PARP15: variants seen among roughly 807,000 people sequenced by gnomAD.
PARP15 encodes protein mono-ADP-ribosyltransferase PARP15.
In PARP15, 50 loss-of-function variants were observed where a neutral mutation model predicts 62.1. The observed-to-expected ratio is 0.81, with a 90% CI of 0.64 to 1.02. The LOEUF (loss-of-function observed/expected upper bound fraction) is 1.02. Among genes scored for constraint, PARP15 ranks in the 50% least tolerant of loss-of-function variants. The pLI, the probability that PARP15 is intolerant of heterozygous loss-of-function variation, is 0.00. For synonymous variants in PARP15, 309 were observed against 293.1 expected (o/e 1.05, Z -0.55); for missense variants, 820 against 826.5 (o/e 0.99, Z 0.10).
At chr3:122,616,938 G>C in intron 5 of PARP15, 77 bp from the exon 6 acceptor site, 1 of 1,506,108 alleles carries the variant, frequency 6.6e-7, no homozygotes, top group Admixed American at 1.9e-5. Context: ...GCTGGGAAGA[G>C]AATAGGGCCC....
In PARP15 at chr3:122,577,762, G is replaced by T; in HGVS notation, c.95G>T (p.Arg32Ile). 6.4e-7 allele frequency: 1 copy of T among 1,551,710 alleles called. No homozygotes were observed. Among genetic ancestry groups the T allele is most frequent in the South Asian group, 1.2e-5 (1 of 84,060 alleles). The change falls in exon 1 of 12, where the codon AGA becomes ATA. Residue 32 changes from arginine (R) to isoleucine (I), a missense_variant. Arg to Ile is a moderately conservative substitution (Grantham distance 97). Around this residue, in one of 3 missense-constraint regions of PARP15, gnomAD observed 731 missense variants for 727.7 expected, o/e 1.00. Coordinates refer to ENST00000464300, the MANE Select transcript of PARP15 (RefSeq NM_001113523.3). ...LMHGVAGVTS[R>I]AGRDREAGSV... ...CACGGAGTTGCAGGTGTTACTTCCA[G>T]AGCCGGACGAGATCGGGAGGCGGGG...
At position 122,638,613 on chromosome 3, in the gene PARP15, C is replaced by T. The variant is rs868508843; in HGVS notation, c.*2513C>T. 14 of 152,064 alleles carry T rather than the reference C, an allele frequency of 9.2e-5. No individual in the cohort carries two copies. The highest frequency in any genetic ancestry group is 2.1e-4 in the South Asian group (1 of 4,802). The allele number at this position is 152,064 out of a possible 1,614,324, so 9.4% of individuals were successfully genotyped here. A position where few individuals can be genotyped will look rare whatever the true frequency, so the allele number is the denominator to read the frequency against. ...TAAATGTCTTCTTTTGAGAAGTGTC[C>T]GTTCATATCCTTTGCCCACTTTTTG... On this transcript the variant is annotated 3_prime_UTR_variant, in exon 12 of 12. Coordinates refer to ENST00000464300, the MANE Select transcript of PARP15 (RefSeq NM_001113523.3).
intron 1 of PARP15, among the ~76,000 whole-genome samples, chr3:122,580,365 C>T (rs2107794654): frequency 6.6e-6 from 1 of 152,070 alleles, no homozygotes; most frequent in South Asian, 2.1e-4. Context: ...AGGATTATTT[C>T]CTCTTGATGA....
At chr3:122,634,111 G>T (rs1341109144) in intron 10 of PARP15, among the ~76,000 whole-genome samples, 3 of 152,096 alleles carry the variant, frequency 2.0e-5, no homozygotes, top group African/African-American at 7.2e-5. Context: ...CTCAACAGCT[G>T]CCCAGGTACT....
Position 122,619,772 on chromosome 3 carries a change from C to T in PARP15, c.1001-9C>T. 3.7e-6 allele frequency: 6 copies of T among 1,605,746 alleles called. No individual in the cohort carries two copies. The highest frequency in any genetic ancestry group is 5.1e-6 in the Non-Finnish European group (6 of 1,172,586). On this transcript the variant is annotated splice_polypyrimidine_tract_variant and intron_variant, in intron 6 of 11. Transcript: ENST00000464300. ...CTGATGCCTTTTACCATTAACATGT[C>T]TTATTTAGGTGTGTCAAGAGCTATT...
chr3:122,588,276 AT>A (rs1232632605), intron 1 of PARP15, among the ~76,000 whole-genome samples: 3 of 151,892 alleles, frequency 2.0e-5, no homozygotes, highest in African/African-American at 7.2e-5. Context: ...GTTGAGGCTT[AT>A]TTTTGCCATT....
chr3:122,604,775 C>G (rs1935043524), intron 1 of PARP15, among the ~76,000 whole-genome samples: 1 of 152,106 alleles, frequency 6.6e-6, no homozygotes, highest in Non-Finnish European at 1.5e-5. Context: ...GCAGGAGAAT[C>G]ACTTGAACCC....
rs1388881811 is a variant in PARP15, at chr3:122,637,925, A to C, written c.*1825A>C. 1.3e-5 allele frequency: 2 copies of C among 152,114 alleles called. No individual in the cohort carries two copies. The highest frequency in any genetic ancestry group is 3.8e-4 in the East Asian group (2 of 5,198). 9.4% of individuals were successfully genotyped at this position (152,114 alleles called of 1,614,324 possible). ...TAACTCATCATTTAGCATTAGGTAT[A>C]TCTCCAAATGCTATCCCTCTCCCCT... is the stretch of plus-strand genomic sequence containing the variant. On this transcript the variant is annotated 3_prime_UTR_variant, in exon 12 of 12. Coordinates refer to ENST00000464300, the MANE Select transcript of PARP15 (RefSeq NM_001113523.3).
chr3:122,607,039 A>G (rs1935204256), intron 2 of PARP15, among the ~76,000 whole-genome samples: 1 of 152,222 alleles, frequency 6.6e-6, no homozygotes, highest in African/African-American at 2.4e-5. Flanking sequence ...ACGTGGGTTC[A>G]GGACCTTGTC....
chr3:122,590,001 T>C (rs1172773863), intron 1 of PARP15, among the ~76,000 whole-genome samples: 1 of 150,170 alleles, frequency 6.7e-6, no homozygotes, highest in Non-Finnish European at 1.5e-5. Flanking sequence ...TTCTTCTGCC[T>C]CACCCTCTCA....
At chr3:122,578,054 T>G (rs1165203749) in intron 1 of PARP15, among the ~76,000 whole-genome samples, 3 of 151,148 alleles carry the variant, frequency 2.0e-5, no homozygotes, top group African/African-American at 4.8e-5. Flanking sequence ...TCTGGTGGTT[T>G]TTTTTTTTTT....
intron 1 of PARP15, among the ~76,000 whole-genome samples, chr3:122,579,559 CA>C (rs2080755662): frequency 6.6e-6 from 1 of 152,208 alleles, no homozygotes; most frequent in South Asian, 2.1e-4. Flanking sequence ...ACGTCATGTA[CA>C]TGAAATCATT....
intron 1 of PARP15, among the ~76,000 whole-genome samples, chr3:122,601,476 G>T (rs1934792346): frequency 6.6e-6 from 1 of 152,134 alleles, no homozygotes; most frequent in South Asian, 2.1e-4. Flanking sequence ...TGTCTCTAGA[G>T]TTTTGCCTTT....
At chr3:122,583,748 A>G (rs1335235133) in intron 1 of PARP15, among the ~76,000 whole-genome samples, 1 of 152,176 alleles carries the variant, frequency 6.6e-6, no homozygotes, top group Non-Finnish European at 1.5e-5. Context: ...ACCCTATACC[A>G]TAAGAATTAT....
At chr3:122,624,033 C>T (rs1936525788) in intron 8 of PARP15, among the ~76,000 whole-genome samples, 1 of 151,978 alleles carries the variant, frequency 6.6e-6, no homozygotes, top group Non-Finnish European at 1.5e-5. Flanking sequence ...CACCTCTAGT[C>T]TCAGCTACTC....
At chr3:122,589,887 A>ATTTTTTTTTTTT (rs1559928879) in intron 1 of PARP15, among the ~76,000 whole-genome samples, 1 of 130,384 alleles carries the variant, frequency 7.7e-6, no homozygotes, top group Non-Finnish European at 1.6e-5. Context: ...GTAAGGCATA[A>ATTTTTTTTTTTT]CTTTTTTTTT....
chr3:122,615,470 A>G, intron 4 of PARP15: 1 of 1,227,704 alleles, frequency 8.1e-7, no homozygotes, highest in African/African-American at 1.5e-5. Flanking sequence ...GGGCTTCAAA[A>G]GAGGAGGGAT....
rs1399472344 is a variant in PARP15, at chr3:122,636,458, C to T, written c.*358C>T. On this transcript the variant is annotated 3_prime_UTR_variant, in exon 12 of 12. Transcript: ENST00000464300. The stretch of plus-strand genomic sequence containing the variant: ...TTCTTCTTGGAACATGTTAAGACAT[C>T]GAATGGTGGCGGGTTAAACTGTACT... The T allele has an allele frequency of 2.2e-5, 5 of 231,758 alleles. No homozygotes were observed. The East Asian group carries it at 3.0e-4, about 14-fold the overall frequency. 14.4% of individuals were successfully genotyped at this position (231,758 alleles called of 1,614,324 possible).
Position 122,636,039 on chromosome 3 carries a change from T to C in PARP15, c.1976T>C (p.Leu659Pro). Reference sequence around the variant, plus strand: ...ACAAACAATACACGATCTCCAAAGCTATTTGTGGTATTCTTTGATAATCAG... The same window carrying C: ...ACAAACAATACACGATCTCCAAAGCCATTTGTGGTATTCTTTGATAATCAG... ...SVTNNTRSPKLFVVFFDNQAY... is the reference protein window; with the variant it reads ...SVTNNTRSPKPFVVFFDNQAY... Residue 659 changes from leucine (L) to proline (P), a missense_variant, in exon 12 of 12, where the codon CTA becomes CCA. Transcript: ENST00000464300. 2 of 1,614,068 alleles carry C rather than the reference T, an allele frequency of 1.2e-6. No homozygotes were observed. The highest frequency in any genetic ancestry group is 1.7e-6 in the Non-Finnish European group (2 of 1,179,952).
Sources: allele counts gnomAD v4.1 joint callset (sites outside exome capture counted in the v4.1 genomes callset), GRCh38; gene constraint gnomAD v4.1.1; regional missense constraint gnomAD v4.1.1; transcripts MANE v1.5; gene names NCBI Gene and HGNC (gene_info 2026-07-23, HGNC 2026-07-21).